The following SCN1A variants were observed in gnomAD, a reference collection of about 807,000 sequenced individuals.
SCN1A encodes sodium voltage-gated channel alpha subunit 1, also known as sodium channel protein type 1 subunit alpha.
A neutral mutation model predicts 193.7 loss-of-function variants in SCN1A; 13 were observed. The observed-to-expected ratio is 0.07, with a 90% confidence interval of 0.04 to 0.11. SCN1A has a LOEUF of 0.11. Among genes scored for constraint, SCN1A ranks in the 10% least tolerant of loss-of-function variants. SCN1A has a pLI of 1.00. For missense variants in SCN1A, 1,432 were observed against 2,451.1 expected (o/e 0.58, Z 8.78); for synonymous variants, 781 against 843.6 (o/e 0.93, Z 1.29).
chr2:166,001,327 T>G (rs1300231223), intron 24 of SCN1A, among the ~76,000 whole-genome samples: 1 of 151,782 alleles, frequency 6.6e-6, no homozygotes, highest in Non-Finnish European at 1.5e-5. Context: ...TTTAATTGCA[T>G]GAATATTATT....
At chr2:166,114,452 A>C (rs1490083383) in intron 2 of SCN1A, among the ~76,000 whole-genome samples, 1 of 152,180 alleles carries the variant, frequency 6.6e-6, no homozygotes, top group African/African-American at 2.4e-5. Flanking sequence ...AGCCCAGTGC[A>C]AGAAACCATG....
intron 2 of SCN1A, among the ~76,000 whole-genome samples, chr2:166,086,545 G>A (rs540612394): frequency 5.3e-5 from 8 of 152,010 alleles, no homozygotes; most frequent in African/African-American, 7.2e-5. Context: ...TTTGGCCACC[G>A]TGCTTAGCAT....
rs748090629 is a variant in SCN1A at position 165,991,641 on chromosome 2, C to G, written c.5634G>C (p.Glu1878Asp). 11 of 1,613,954 alleles carry G rather than the reference C, an allele frequency of 6.8e-6. No individual in the cohort carries two copies. The highest frequency in any genetic ancestry group is 2.2e-5 in the South Asian group (2 of 91,088). ...LFAFTKRVLG[E>D]SGEMDALRIQ... is the part of the protein sequence containing the mutation. ...TTCGTAGAGCATCCATCTCTCCACTCTCTCCTAGAACCCGCTTTGTAAAAG... is the reference window on the plus strand; with the variant it reads ...TTCGTAGAGCATCCATCTCTCCACTGTCTCCTAGAACCCGCTTTGTAAAAG... The change falls in exon 29 of 29, where the codon GAG becomes GAC. Residue 1878 changes from glutamate to aspartate, a missense_variant. Physicochemically the swap from Glu to Asp is conservative, Grantham distance 45. Coordinates refer to ENST00000674923, the MANE Select transcript of SCN1A (RefSeq NM_001165963.4).
chr2:166,011,151 A>T (rs1692388070), intron 22 of SCN1A, among the ~76,000 whole-genome samples: 1 of 151,160 alleles, frequency 6.6e-6, no homozygotes, highest in South Asian at 2.1e-4. Context: ...TAACATTGTT[A>T]AGTTTTTTAA....
intron 1 of SCN1A, among the ~76,000 whole-genome samples, chr2:166,143,401 C>A (rs1692177394): frequency 6.6e-6 from 1 of 151,914 alleles, no homozygotes. Flanking sequence ...CTCCTGACCT[C>A]ATGATCTGCC....
intron 2 of SCN1A, among the ~76,000 whole-genome samples, chr2:166,078,357 AAAATTAATTTTTTTCCT>A (rs1685178161): frequency 6.7e-6 from 1 of 149,524 alleles, no homozygotes. Context: ...ATTTAGGGAA[AAAATTAATTTTTTTCCT>A]AAATTAATTT....
intron 2 of SCN1A, among the ~76,000 whole-genome samples, chr2:166,123,793 C>A (rs1007213414): frequency 1.3e-5 from 2 of 151,700 alleles, no homozygotes; most frequent in Non-Finnish European, 2.9e-5. Context: ...TTTTAAAAGT[C>A]GGGGGCAGTT....
intron 6 of SCN1A, among the ~76,000 whole-genome samples, chr2:166,055,518 G>T (rs114789853): frequency 0.01 from 1,556 of 152,066 alleles, 31 homozygotes; most frequent in African/African-American, 0.034. Flanking sequence ...GCCTGGAAGT[G>T]TCTAGGAAAG....
chr2:166,112,122 G>A (rs1477698562), intron 2 of SCN1A, among the ~76,000 whole-genome samples: 1 of 152,170 alleles, frequency 6.6e-6, no homozygotes, highest in African/African-American at 2.4e-5. Flanking sequence ...GTTATACTGT[G>A]GGTAAAATGC....
intron 5 of SCN1A, among the ~76,000 whole-genome samples, chr2:166,057,767 T>C (rs1699275987): frequency 6.6e-6 from 1 of 152,036 alleles, no homozygotes; most frequent in Non-Finnish European, 1.5e-5. Context: ...TTATGATAAT[T>C]ATAATGGTAT....
At chr2:166,122,158 C>A (rs1690674360) in intron 2 of SCN1A, among the ~76,000 whole-genome samples, 1 of 152,138 alleles carries the variant, frequency 6.6e-6, no homozygotes, top group Non-Finnish European at 1.5e-5. Context: ...ATACAGAAAC[C>A]AACCCTATTT....
chr2:166,045,039 A>T lies in SCN1A; in HGVS notation c.1662+4T>A, dbSNP rs1697625519. On this transcript the variant is annotated splice_donor_region_variant and intron_variant, in intron 13 of 28. Transcript: ENST00000674923. ...ATGCATCAGTAAACTCAGCAGTGCC[A>T]TACCTGGTGTGGGGAGGAGTACCTC... is the stretch of plus-strand genomic sequence containing the variant. The T allele has an allele frequency of 1.2e-6, 2 of 1,614,028 alleles. No individual in the cohort carries two copies. The highest frequency in any genetic ancestry group is 1.7e-6 in the Non-Finnish European group (2 of 1,180,006).
intron 19 of SCN1A, among the ~76,000 whole-genome samples, chr2:166,019,818 TG>T (rs1390519177): frequency 3.9e-5 from 6 of 152,186 alleles, no homozygotes; most frequent in African/African-American, 1.4e-4. Context: ...ATATTAGTGA[TG>T]GATGAAGTTT....
chr2:166,119,550 T>C (rs1690297601), intron 2 of SCN1A, among the ~76,000 whole-genome samples: 1 of 152,216 alleles, frequency 6.6e-6, no homozygotes, highest in Admixed American at 6.5e-5. Flanking sequence ...GTAGATGTTT[T>C]ATAAATATAA....
At chr2:166,131,899 C>A (rs529049578), upstream of SCN1A, among the ~76,000 whole-genome samples, 28 of 152,264 alleles carry the variant, frequency 1.8e-4, no homozygotes, top group South Asian at 5.4e-3. Context: ...ATGACCAAAT[C>A]ATTATGTTTT....
intron 2 of SCN1A, among the ~76,000 whole-genome samples, chr2:166,121,511 C>A (rs1690593478): frequency 6.6e-6 from 1 of 152,166 alleles, no homozygotes. Flanking sequence ...ATAGGCACAG[C>A]AGTGGAATCA....
intron 6 of SCN1A, among the ~76,000 whole-genome samples, chr2:166,055,567 G>T (rs1699053244): frequency 6.6e-6 from 1 of 151,972 alleles, no homozygotes; most frequent in African/African-American, 2.4e-5. Flanking sequence ...AATGTTGGTG[G>T]ACACTCTTGG....
intron 4 of SCN1A, among the ~76,000 whole-genome samples, chr2:166,062,227 G>C (rs776620170): frequency 1.5e-3 from 223 of 152,204 alleles, no homozygotes; most frequent in Non-Finnish European, 2.3e-3. Context: ...CATAGATGTA[G>C]CTTTAAGGTA....
At chr2:166,143,604 C>T (rs891021872) in intron 1 of SCN1A, among the ~76,000 whole-genome samples, 12 of 152,172 alleles carry the variant, frequency 7.9e-5, no homozygotes, top group Non-Finnish European at 1.6e-4. Context: ...CAAAATGGCG[C>T]TATTAAATCT....
Sources: allele counts gnomAD v4.1 joint callset (sites outside exome capture counted in the v4.1 genomes callset), GRCh38; gene constraint gnomAD v4.1.1; transcripts MANE v1.5; gene names NCBI Gene and HGNC (gene_info 2026-07-23, HGNC 2026-07-21).